Variants in TENM3 observed in about 807,000 individuals in gnomAD.
The protein encoded by TENM3 is teneurin transmembrane protein 3.
Under a neutral mutation model 255.1 loss-of-function variants are expected in TENM3, and 63 were observed. The observed-to-expected ratio is 0.25, with a 90% CI of 0.20 to 0.30. TENM3 has a LOEUF of 0.30. TENM3 is among the 10% of genes least tolerant of loss of function. The probability of loss-of-function intolerance (pLI) is 1.00; values close to 1 mark genes in which losing one functional copy is unlikely to be tolerated. For missense variants in TENM3, 2,929 were observed against 3,461.1 expected (o/e 0.85, Z 3.86); for synonymous variants, 1,306 against 1,322.3 (o/e 0.99, Z 0.27).
the TENM3 span, among the ~76,000 whole-genome samples, chr4:181,795,224 T>C: frequency 6.6e-6 from 1 of 152,098 alleles, no homozygotes; most frequent in South Asian, 2.1e-4. Flanking sequence ...AACAGAAATT[T>C]ATGTCTCACA....
At chr4:181,918,570 A>C in the TENM3 span, among the ~76,000 whole-genome samples, 1 of 152,214 alleles carries the variant, frequency 6.6e-6, no homozygotes, top group African/African-American at 2.4e-5. Flanking sequence ...ATTTATTCCC[A>C]ATAATGGAGT....
the TENM3 span, among the ~76,000 whole-genome samples, chr4:181,959,596 C>T: frequency 6.6e-6 from 1 of 152,194 alleles, no homozygotes; most frequent in African/African-American, 2.4e-5. Context: ...AGATCACCGG[C>T]ATGCCGGCAC....
chr4:181,863,898 T>A, the TENM3 span, among the ~76,000 whole-genome samples: 1 of 152,170 alleles, frequency 6.6e-6, no homozygotes, highest in Non-Finnish European at 1.5e-5. Context: ...CAGCCCATGA[T>A]GAGCAAATAT....
the TENM3 span, among the ~76,000 whole-genome samples, chr4:181,937,215 C>T: frequency 6.6e-6 from 1 of 152,216 alleles, no homozygotes; most frequent in East Asian, 1.9e-4. Context: ...GGCTGCAAAG[C>T]TGTCAGTAGA....
intron 18 of TENM3, 68 bp from the exon 19 acceptor site, chr4:182,743,102 G>T: frequency 6.7e-7 from 1 of 1,489,570 alleles, no homozygotes; most frequent in South Asian, 1.3e-5. Flanking sequence ...AAACAATCAT[G>T]AACATGTTTG....
the TENM3 span, among the ~76,000 whole-genome samples, chr4:181,621,382 ATTTG>A: frequency 2.0e-5 from 3 of 152,136 alleles, no homozygotes; most frequent in Non-Finnish European, 2.9e-5. Flanking sequence ...CTATATCTTT[ATTTG>A]TTTTCAGATT....
At chr4:182,226,177 C>G (rs2149988636) in intron 1 of TENM3, among the ~76,000 whole-genome samples, 1 of 152,190 alleles carries the variant, frequency 6.6e-6, no homozygotes, top group South Asian at 2.1e-4. Context: ...GTGTCCTACT[C>G]CTTAGCCAGG....
the TENM3 span, among the ~76,000 whole-genome samples, chr4:182,095,406 AC>A: frequency 6.6e-6 from 1 of 152,212 alleles, no homozygotes; most frequent in African/African-American, 2.4e-5. Flanking sequence ...CATGGATGGA[AC>A]TAAAGGACAT....
the TENM3 span, among the ~76,000 whole-genome samples, chr4:181,478,498 C>T: frequency 3.3e-5 from 5 of 152,184 alleles, no homozygotes; most frequent in East Asian, 1.9e-4. Flanking sequence ...AAGCCCTGAA[C>T]GTCCGTGCTG....
At chr4:181,612,586 C>T in the TENM3 span, among the ~76,000 whole-genome samples, 11 of 152,196 alleles carry the variant, frequency 7.2e-5, no homozygotes, top group South Asian at 2.1e-4. Context: ...TTATCACCAA[C>T]GGCTGGGGCA....
chr4:182,051,378 C>T, the TENM3 span, among the ~76,000 whole-genome samples: 2 of 129,586 alleles, frequency 1.5e-5, no homozygotes, highest in Non-Finnish European at 3.3e-5. Flanking sequence ...TTTTTCCTCT[C>T]TTTTTTTTTT....
chr4:182,199,926 C>A (rs1354544838), intron 1 of TENM3, among the ~76,000 whole-genome samples: 2 of 151,932 alleles, frequency 1.3e-5, no homozygotes, highest in Non-Finnish European at 2.9e-5. Flanking sequence ...AGGGTTTCGC[C>A]ATGTTGCCCA....
At chr4:181,874,988 G>A in the TENM3 span, among the ~76,000 whole-genome samples, 5 of 152,170 alleles carry the variant, frequency 3.3e-5, no homozygotes, top group African/African-American at 7.2e-5. Flanking sequence ...CAGTTTTATT[G>A]TTTAGGATGA....
chr4:182,204,908 A>G (rs993581894), intron 1 of TENM3, among the ~76,000 whole-genome samples: 3 of 152,212 alleles, frequency 2.0e-5, no homozygotes, highest in Admixed American at 6.5e-5. Context: ...GTAACTTCAC[A>G]TAAGATATTC....
the TENM3 span, among the ~76,000 whole-genome samples, chr4:181,776,688 TTTCATGTACCTGTTGGTCATTTTTATATC>T: frequency 6.6e-6 from 1 of 152,184 alleles, no homozygotes; most frequent in Admixed American, 6.6e-5. Context: ...TCAAGCATTT[TTTCATGTACCTGTTGGTCATTTTTATATC>T]TTCCTTTGAG....
intron 4 of TENM3, among the ~76,000 whole-genome samples, chr4:182,612,255 G>A (rs983178602): frequency 1.1e-4 from 16 of 147,406 alleles, no homozygotes; most frequent in Admixed American, 1.1e-3. Context: ...CTACGCAACA[G>A]AGCGAGACTC....
At chr4:182,705,583 C>G (rs1429961541) in intron 12 of TENM3, among the ~76,000 whole-genome samples, 1 of 152,164 alleles carries the variant, frequency 6.6e-6, no homozygotes, top group African/African-American at 2.4e-5. Context: ...TGTGAGCTAC[C>G]TGACGTCTAT....
At chr4:182,645,717 G>T (rs1161985009) in intron 5 of TENM3, among the ~76,000 whole-genome samples, 1 of 152,168 alleles carries the variant, frequency 6.6e-6, no homozygotes, top group Non-Finnish European at 1.5e-5. Context: ...GCCTCTTTAT[G>T]AGGCTGCCTC....
chr4:181,651,075 G>T, the TENM3 span, among the ~76,000 whole-genome samples: 6 of 152,162 alleles, frequency 3.9e-5, no homozygotes, highest in Non-Finnish European at 7.3e-5. Flanking sequence ...AAAGGTTACT[G>T]AAATTTTGGG....
Sources: allele counts gnomAD v4.1 joint callset (sites outside exome capture counted in the v4.1 genomes callset), GRCh38; gene constraint gnomAD v4.1.1; transcripts MANE v1.5; gene names NCBI Gene and HGNC (gene_info 2026-07-23, HGNC 2026-07-21).